Variants in KDM4B observed in about 807,000 individuals in gnomAD.
The protein encoded by KDM4B is lysine demethylase 4B, also known as lysine-specific demethylase 4B.
In KDM4B, 32 loss-of-function variants were observed where a neutral mutation model predicts 125.2. The observed-to-expected ratio is 0.26, with a 90% confidence interval of 0.19 to 0.34. KDM4B has a LOEUF of 0.34. Ranked by LOEUF, KDM4B falls within the 10% of genes least tolerant of loss-of-function variation. The probability of loss-of-function intolerance (pLI) is 1.00; values close to 1 mark genes in which losing one functional copy is unlikely to be tolerated. For synonymous variants in KDM4B, 721 were observed against 677.9 expected (o/e 1.06, Z -0.99); for missense variants, 1,190 against 1,577.7 (o/e 0.75, Z 4.16).
In KDM4B at chr19:5,151,650, G is replaced by A. The variant is rs916174276; in HGVS notation, c.*139G>A. 7.2e-5 allele frequency: 53 copies of A among 736,820 alleles called. No individual in the cohort carries two copies. Among genetic ancestry groups the A allele is most frequent in the Non-Finnish European group, 8.8e-5 (47 of 533,370 alleles). The allele number at this position is 736,820 out of a possible 1,614,324, so 45.6% of individuals were successfully genotyped here. On this transcript the variant is annotated 3_prime_UTR_variant, in exon 23 of 23. Coordinates refer to ENST00000159111, the MANE Select transcript of KDM4B (RefSeq NM_015015.3). The stretch of plus-strand genomic sequence containing the variant: ...CCAAGCCGCGGGTGCCCCCTAGGGC[G>A]ACAGGAGCCAGCGGGACGCCGCACG...
intron 9 of KDM4B, among the ~76,000 whole-genome samples, chr19:5,093,719 T>C (rs1489691376): frequency 2.0e-5 from 3 of 151,924 alleles, no homozygotes; most frequent in Admixed American, 6.6e-5. Context: ...GTGAGAGGAG[T>C]GTGACCGCCA....
chr19:4,984,096 G>T lies in KDM4B; in HGVS notation c.-109+14866G>T, dbSNP rs888416827. Among the ~76,000 whole-genome samples, 17 of 152,144 alleles carry T rather than the reference G, an allele frequency of 1.1e-4. 1 individual carries two copies. The highest frequency in any genetic ancestry group is 4.1e-4 in the African/African-American group (17 of 41,430). On this transcript the variant is annotated intron_variant, in intron 1 of 22. Transcript: ENST00000159111. Reference sequence around the variant, plus strand: ...TAGGAGTGCTCCTGGCGTGGGGTGGGTGGAGGGCAAGGACACTGCTCAGCA... The same window carrying T: ...TAGGAGTGCTCCTGGCGTGGGGTGGTTGGAGGGCAAGGACACTGCTCAGCA...
At chr19:4,995,879 G>A (rs540024778) in intron 1 of KDM4B, among the ~76,000 whole-genome samples, 16 of 152,318 alleles carry the variant, frequency 1.1e-4, no homozygotes, top group East Asian at 5.8e-4. Flanking sequence ...CCTGGTCGCC[G>A]CGGTGTCACG....
rs776049241 is a variant in KDM4B at position 5,135,380 on chromosome 19, A to G, written c.2127A>G (p.Gly709=). The change falls in exon 15 of 23, where the codon GGA becomes GGG. Residue 709 remains glycine, a synonymous_variant. Coordinates refer to ENST00000159111, the MANE Select transcript of KDM4B (RefSeq NM_015015.3). The stretch of plus-strand genomic sequence containing the variant: ...AGGAGGCACCCATAGCCTCCCTCGG[A>G]GAGGGCTGCCCGGCCACATTACCCT... ...TEKEAPIASL[G]EGCPATLPSK... is the part of the protein sequence containing the mutation. 1 of 1,613,502 alleles carries G rather than the reference A, an allele frequency of 6.2e-7. No homozygotes were observed. Among genetic ancestry groups the G allele is most frequent in the Non-Finnish European group, 8.5e-7 (1 of 1,179,946 alleles).
At chr19:5,150,299 G>GCCTGGAGCA (rs1480037385) in intron 21 of KDM4B, 59 bp from the exon 22 acceptor site, 1 of 1,461,842 alleles carries the variant, frequency 6.8e-7, no homozygotes, top group African/African-American at 1.4e-5. Context: ...GCCGTGGCCT[G>GCCTGGAGCA]CCTGGAGCAC....
At chr19:5,149,890 CCTT>C (rs902871583) in intron 21 of KDM4B, among the ~76,000 whole-genome samples, 1 of 152,242 alleles carries the variant, frequency 6.6e-6, no homozygotes, top group African/African-American at 2.4e-5. Flanking sequence ...CTGTCCTTCA[CCTT>C]CTGGTTGGGG....
chr19:5,110,282 G>A (rs756440037), intron 9 of KDM4B, among the ~76,000 whole-genome samples: 1 of 152,218 alleles, frequency 6.6e-6, no homozygotes, highest in Non-Finnish European at 1.5e-5. Flanking sequence ...ACTAGCCTGA[G>A]CAACATAGCG....
intron 1 of KDM4B, among the ~76,000 whole-genome samples, chr19:4,978,682 C>T (rs577478568): frequency 1.1e-4 from 16 of 152,306 alleles, no homozygotes; most frequent in African/African-American, 3.4e-4. Flanking sequence ...TGAAGGGCAG[C>T]TGCCGTTCAT....
intron 5 of KDM4B, 25 bp from the exon 6 acceptor site, chr19:5,047,451 C>T (rs2037062900): frequency 6.3e-7 from 1 of 1,577,020 alleles, no homozygotes; most frequent in South Asian, 1.2e-5. Context: ...CGGGCGGTTG[C>T]CGACGCTGCT....
At position 5,146,754 on chromosome 19, in the gene KDM4B, C is replaced by A. The variant is rs1292433850; in HGVS notation, c.3021+1852C>A. On this transcript the variant is annotated intron_variant, in intron 21 of 22. Transcript: ENST00000159111. ...CCAGCCTGGGCAACAAAGTGAGACC[C>A]CCCCCCCCCCCACAATCTCTACAAA... Among the ~76,000 whole-genome samples the A allele has an allele frequency of 1.1e-4, 6 of 56,634 alleles. 1 individual carries two copies. The highest frequency in any genetic ancestry group is 5.5e-4 in the Admixed American group (4 of 7,216). The allele number at this position is 56,634 out of a possible 152,430, so 37.2% of individuals were successfully genotyped here. A position where few individuals can be genotyped will look rare whatever the true frequency, so the allele number is the denominator to read the frequency against.
chr19:5,005,125 C>G (rs761386891), intron 1 of KDM4B, among the ~76,000 whole-genome samples: 1 of 152,214 alleles, frequency 6.6e-6, no homozygotes, highest in Admixed American at 6.5e-5. Context: ...CTTGGAGATG[C>G]GTCTGTGCAG....
chr19:5,132,158 G>A (rs1056025150), intron 13 of KDM4B, 151 bp downstream of exon 13: 177 of 1,028,846 alleles, frequency 1.7e-4, no homozygotes, highest in Middle Eastern at 6.5e-4. Context: ...CTGCCGTAGC[G>A]ACAGGCTGTC....
intron 6 of KDM4B, among the ~76,000 whole-genome samples, chr19:5,070,153 C>A (rs1030859033): frequency 6.6e-6 from 1 of 152,180 alleles, no homozygotes; most frequent in South Asian, 2.1e-4. Context: ...CAGCTGTGTG[C>A]CCTCAAGTCC....
chr19:4,969,496 G>C (rs2034169418), intron 1 of KDM4B, among the ~76,000 whole-genome samples: 1 of 149,494 alleles, frequency 6.7e-6, no homozygotes. Flanking sequence ...GCGGGAGCGG[G>C]GGCCCCTTCC....
rs1363554681 is a variant in KDM4B at position 4,971,938 on chromosome 19, G to T, written c.-109+2708G>T. On this transcript the variant is annotated intron_variant, in intron 1 of 22. Coordinates refer to ENST00000159111, the MANE Select transcript of KDM4B (RefSeq NM_015015.3). This position sits in a 1 kb window ranked among gnomAD's most constrained non-coding sequence, Gnocchi z 4.1. ...AGGGGACGGAGAGCAGATGAACAGG[G>T]TGGGGGCTCGGGGCGGGGGGAGCTC... Among the ~76,000 whole-genome samples the T allele has an allele frequency of 6.6e-6, 1 of 151,820 alleles. No homozygotes were observed. The highest frequency in any genetic ancestry group is 1.5e-5 in the Non-Finnish European group (1 of 67,918).
At chr19:5,032,653 G>A (rs564523678) in intron 2 of KDM4B, among the ~76,000 whole-genome samples, 38 of 152,318 alleles carry the variant, frequency 2.5e-4, no homozygotes, top group Non-Finnish European at 4.7e-4. Context: ...TCTGCTTCTC[G>A]TTAGCTGCAG....
At chr19:5,051,504 C>T (rs1054593190) in intron 6 of KDM4B, among the ~76,000 whole-genome samples, 1 of 152,242 alleles carries the variant, frequency 6.6e-6, no homozygotes. Flanking sequence ...GGGGGATCAG[C>T]ATGTTCCTGG....
chr19:5,150,283 C>CA (rs202122783), intron 21 of KDM4B, 75 bp from the exon 22 acceptor site: 15,484 of 1,311,442 alleles, frequency 0.012, 116 homozygotes, highest in South Asian at 0.021. Context: ...CCTCCCAGCT[C>CA]TTGAGGCCGT....
intron 6 of KDM4B, among the ~76,000 whole-genome samples, chr19:5,052,148 C>T (rs866965885): frequency 2.5e-4 from 38 of 152,156 alleles, no homozygotes; most frequent in African/African-American, 8.0e-4. Flanking sequence ...AGAATTTTCC[C>T]TTTTGATTCA....
Sources: allele counts gnomAD v4.1 joint callset (sites outside exome capture counted in the v4.1 genomes callset), GRCh38; gene constraint gnomAD v4.1.1; non-coding constraint Gnocchi (gnomAD v3.1); transcripts MANE v1.5; gene names NCBI Gene and HGNC (gene_info 2026-07-23, HGNC 2026-07-21).